Variants in ZBTB20 observed in about 807,000 individuals in gnomAD.
The protein encoded by ZBTB20 is zinc finger and BTB domain-containing protein 20.
A neutral mutation model predicts 56.9 loss-of-function variants in ZBTB20; 9 were observed. The observed-to-expected ratio is 0.16, with a 90% CI of 0.10 to 0.28. The LOEUF (loss-of-function observed/expected upper bound fraction) is 0.28, where lower values mean the gene tolerates loss of function less well. Ranked by LOEUF, ZBTB20 falls within the 10% of genes least tolerant of loss-of-function variation. ZBTB20 has a pLI of 1.00. For synonymous variants in ZBTB20, 417 were observed against 420.7 expected (o/e 0.99, Z 0.11); for missense variants, 655 against 1,003.0 (o/e 0.65, Z 4.69).
chr3:115,072,300 C>T (rs1506026), intron 1 of ZBTB20, among the ~76,000 whole-genome samples: 147,587 of 152,204 alleles, frequency 0.97, 71,728 homozygotes, highest in East Asian at 1. Context: ...TTTTCTGTAA[C>T]TGATGTAGAT....
At chr3:114,631,161 G>T (rs2058916031) in intron 6 of ZBTB20, among the ~76,000 whole-genome samples, 2 of 151,858 alleles carry the variant, frequency 1.3e-5, no homozygotes. Context: ...CTAAGCTATT[G>T]ACCTAAATGT....
At chr3:114,579,190 G>A (rs2054394384) in intron 6 of ZBTB20, among the ~76,000 whole-genome samples, 1 of 151,562 alleles carries the variant, frequency 6.6e-6, no homozygotes, top group South Asian at 2.1e-4. Context: ...CCATGTACCA[G>A]ATAAAATCAC....
chr3:114,623,561 C>G (rs1236946368), intron 6 of ZBTB20, among the ~76,000 whole-genome samples: 2 of 152,062 alleles, frequency 1.3e-5, no homozygotes, highest in African/African-American at 4.8e-5. Flanking sequence ...GGGAGGTTCC[C>G]TAACGTTTAA....
Position 115,111,045 on chromosome 3 carries a change from T to TAAAA in ZBTB20, c.-703+36170_-703+36173dup, listed in dbSNP as rs1553896482. ...ATAAATAAATAAATAAATAAATAAA[T>TAAAA]AAAAATAAAACAAATCCTCCTTCAT... On this transcript the variant is annotated intron_variant, in intron 1 of 11. Coordinates refer to ENST00000675478, the MANE Select transcript of ZBTB20 (RefSeq NM_001348800.3). Among the ~76,000 whole-genome samples the TAAAA allele has an allele frequency of 2.7e-4, 36 of 131,610 alleles. No homozygotes were observed. The South Asian group carries it at 3.6e-3, about 13-fold the overall frequency. 86.3% of individuals were successfully genotyped at this position (131,610 alleles called of 152,430 possible). A position where few individuals can be genotyped will look rare whatever the true frequency, so the allele number is the denominator to read the frequency against.
intron 10 of ZBTB20, among the ~76,000 whole-genome samples, chr3:114,376,479 A>G (rs548317918): frequency 4.6e-5 from 7 of 152,354 alleles, no homozygotes; most frequent in Admixed American, 3.3e-4. Flanking sequence ...AAATTGCTTA[A>G]AAGTTCAAAA....
At chr3:114,655,454 T>C (rs1017741166) in intron 6 of ZBTB20, among the ~76,000 whole-genome samples, 2 of 150,946 alleles carry the variant, frequency 1.3e-5, no homozygotes, top group African/African-American at 4.9e-5. Flanking sequence ...GGGTTTCACC[T>C]TGTTAGCCAG....
chr3:115,095,159 G>A (rs2083334742), intron 1 of ZBTB20, among the ~76,000 whole-genome samples: 1 of 152,030 alleles, frequency 6.6e-6, no homozygotes, highest in Non-Finnish European at 1.5e-5. Context: ...TTCTATCAGA[G>A]TTTCAAAGGT....
intron 5 of ZBTB20, among the ~76,000 whole-genome samples, chr3:114,798,074 T>A (rs925817468): frequency 1.3e-4 from 19 of 151,922 alleles, no homozygotes; most frequent in African/African-American, 4.3e-4. Context: ...AAAACTTTTC[T>A]CTGATGGAAA....
At chr3:114,598,528 C>A (rs532110862) in intron 6 of ZBTB20, among the ~76,000 whole-genome samples, 16 of 151,826 alleles carry the variant, frequency 1.1e-4, no homozygotes, top group Non-Finnish European at 2.2e-4. Flanking sequence ...TAGGCATATA[C>A]ACAAACATTT....
chr3:114,829,401 G>C (rs2073720385), intron 4 of ZBTB20, among the ~76,000 whole-genome samples: 1 of 151,738 alleles, frequency 6.6e-6, no homozygotes, highest in South Asian at 2.1e-4. Flanking sequence ...TTTGCCAGCT[G>C]ATAGGAAAAA....
intron 5 of ZBTB20, among the ~76,000 whole-genome samples, chr3:114,798,349 C>CAAAAAAACA (rs768986890): frequency 5.3e-4 from 21 of 39,898 alleles, no homozygotes; most frequent in African/African-American, 5.9e-4. Flanking sequence ...AACAAAAAAA[C>CAAAAAAACA]AAAAAAAAAC....
At chr3:115,142,321 T>G (rs1011143952) in intron 1 of ZBTB20, among the ~76,000 whole-genome samples, 5 of 152,158 alleles carry the variant, frequency 3.3e-5, no homozygotes, top group African/African-American at 1.2e-4. Flanking sequence ...GAAATGGTCT[T>G]ACTTTTTAAC....
chr3:114,854,166 T>C (rs1013250108), intron 4 of ZBTB20, among the ~76,000 whole-genome samples: 1 of 152,202 alleles, frequency 6.6e-6, no homozygotes, highest in Admixed American at 6.5e-5. Context: ...AAAACAGGAA[T>C]AGCAATACTT....
chr3:114,777,095 T>TA (rs2108760225), intron 5 of ZBTB20, among the ~76,000 whole-genome samples: 1 of 152,290 alleles, frequency 6.6e-6, no homozygotes, highest in East Asian at 1.9e-4. Context: ...TACTGTATTA[T>TA]AAAAATAAAG....
chr3:114,977,240 C>T (rs1433932184), intron 2 of ZBTB20, among the ~76,000 whole-genome samples: 1 of 152,154 alleles, frequency 6.6e-6, no homozygotes, highest in Non-Finnish European at 1.5e-5. Context: ...AAGCACAAGC[C>T]TTGCTATGTA....
intron 3 of ZBTB20, among the ~76,000 whole-genome samples, chr3:114,952,500 G>A (rs867085588): frequency 1.3e-4 from 20 of 151,580 alleles, no homozygotes; most frequent in Admixed American, 1.3e-3. Context: ...TTATAATTCT[G>A]AAAAGGTATT....
At position 114,640,976 on chromosome 3, in the gene ZBTB20, G is replaced by A. The variant is rs539608224; in HGVS notation, c.-295+52552C>T. The stretch of plus-strand genomic sequence containing the variant: ...AATATCTGAAATAAAGTTCTTTGAA[G>A]CTTAGGTTTGAATTCTAATTCTACT... On this transcript the variant is annotated intron_variant, in intron 6 of 11. Transcript: ENST00000675478. Among the ~76,000 whole-genome samples, 53 of 151,982 alleles carry A rather than the reference G, an allele frequency of 3.5e-4. No homozygotes were observed. The South Asian group carries it at 4.6e-3, about 13-fold the overall frequency.
At chr3:114,909,073 C>T (rs2075426086) in intron 3 of ZBTB20, among the ~76,000 whole-genome samples, 1 of 151,834 alleles carries the variant, frequency 6.6e-6, no homozygotes, top group South Asian at 2.1e-4. Context: ...AAAACAGCAT[C>T]AGGTAGGTCC....
intron 3 of ZBTB20, among the ~76,000 whole-genome samples, chr3:114,952,025 G>A (rs1282664707): frequency 6.6e-6 from 1 of 152,008 alleles, no homozygotes; most frequent in African/African-American, 2.4e-5. Context: ...CTGAAATTAT[G>A]CAATATGAGC....
Sources: gnomAD v4.1 joint callset for allele counts (sites outside exome capture counted in the v4.1 genomes callset) on GRCh38, gnomAD v4.1.1 for gene constraint, MANE v1.5 for transcripts, NCBI Gene and HGNC (gene_info 2026-07-23, HGNC 2026-07-21) for gene names.